The following TM4SF5 variants were observed in gnomAD, a reference collection of about 807,000 sequenced individuals.
The protein encoded by TM4SF5 is transmembrane 4 L6 family member 5.
In TM4SF5, 16 loss-of-function variants were observed where a neutral mutation model predicts 22.3. The observed-to-expected ratio is 0.72, with a 90% confidence interval of 0.49 to 1.09. The LOEUF is 1.09. TM4SF5 is among the 50% of genes least tolerant of loss of function. The pLI, the probability that TM4SF5 is intolerant of heterozygous loss-of-function variation, is 0.00. For missense variants in TM4SF5, 249 were observed against 266.1 expected (o/e 0.94, Z 0.45); for synonymous variants, 113 against 109.6 (o/e 1.03, Z -0.19).
In TM4SF5 at chr17:4,771,898, C is replaced by T. The variant is rs557348831; in HGVS notation, c.-25C>T. The T allele has an allele frequency of 4.6e-5, 74 of 1,613,652 alleles. No individual in the cohort carries two copies. In the East Asian group the frequency reaches 1.3e-3, roughly 29 times the overall value. On this transcript the variant is annotated 5_prime_UTR_variant, in exon 1 of 5. Transcript: ENST00000270560. ...GAACCACTGGCTTACTTTCACTCAC[C>T]GCCTGTCCTTCCTGACACCTCACCA...
Position 4,783,178 on chromosome 17 carries a change from C to G in TM4SF5, c.*50C>G, listed in dbSNP as rs1338156256. On this transcript the variant is annotated 3_prime_UTR_variant, in exon 5 of 5. Coordinates refer to ENST00000270560, the MANE Select transcript of TM4SF5 (RefSeq NM_003963.3). ...CCTGCTCCTTCCTGGACGCTCACTC[C>G]CTTGCTCGCTAGAATAAACTGCTTT... 1 of 764,276 alleles carries G rather than the reference C, an allele frequency of 1.3e-6. No homozygotes were observed. Among genetic ancestry groups the G allele is most frequent in the South Asian group, 3.0e-5 (1 of 33,450 alleles). The allele number at this position is 764,276 out of a possible 1,614,324, so 47.3% of individuals were successfully genotyped here.
At chr17:4,779,214 G>A (rs1917256135) in intron 1 of TM4SF5, among the ~76,000 whole-genome samples, 1 of 152,136 alleles carries the variant, frequency 6.6e-6, no homozygotes, top group African/African-American at 2.4e-5. Flanking sequence ...AGGGCAGGAG[G>A]AGCCCAGGAG....
chr17:4,773,767 G>A (rs1182333979), intron 1 of TM4SF5, among the ~76,000 whole-genome samples: 2 of 152,180 alleles, frequency 1.3e-5, no homozygotes. Context: ...CCATTGTCAC[G>A]GGGTGCTCCC....
intron 2 of TM4SF5, 132 bp from the exon 3 acceptor site, chr17:4,782,371 G>T (rs117721745): frequency 8.9e-7 from 1 of 1,118,240 alleles, no homozygotes; most frequent in Non-Finnish European, 1.3e-6. Context: ...GAGCCACCGC[G>T]CCCGGCATTA....
chr17:4,773,748 C>T (rs1157198947), intron 1 of TM4SF5, among the ~76,000 whole-genome samples: 2 of 152,182 alleles, frequency 1.3e-5, no homozygotes, highest in Admixed American at 6.6e-5. Flanking sequence ...CTCAGGCTGA[C>T]ACACTTAGCC....
chr17:4,773,617 C>A (rs751498364), intron 1 of TM4SF5, among the ~76,000 whole-genome samples: 6 of 152,170 alleles, frequency 3.9e-5, no homozygotes, highest in Non-Finnish European at 5.9e-5. Flanking sequence ...TCTCCTTTAA[C>A]CAACAATCCC....
chr17:4,782,534 G>A lies in TM4SF5; in HGVS notation c.290G>A (p.Gly97Glu), dbSNP rs1264720615. The A allele has an allele frequency of 1.2e-6, 2 of 1,613,946 alleles. No homozygotes were observed. Among genetic ancestry groups the A allele is most frequent in the African/African-American group, 1.3e-5 (1 of 74,886 alleles). Reference protein sequence around the residue: ...MLRSVFSSAFGVLGAIYCLSV... With the variant: ...MLRSVFSSAFEVLGAIYCLSV... ...CGCTCGGTCTTCTCCTCGGCGTTCGGGGTGCTTGGTGCCATCTACTGCCTC... is the reference window on the plus strand; with the variant it reads ...CGCTCGGTCTTCTCCTCGGCGTTCGAGGTGCTTGGTGCCATCTACTGCCTC... The change falls in exon 3 of 5, where the codon GGG becomes GAG. Residue 97 changes from glycine to glutamate, a missense_variant. Transcript: ENST00000270560.
chr17:4,780,916 A>C, intron 2 of TM4SF5, 47 bp downstream of exon 2: 1,734 of 1,519,718 alleles, frequency 1.1e-3, no homozygotes, highest in Non-Finnish European at 1.5e-3. Flanking sequence ...GTGGTGTCTC[A>C]TGCCTGTAAT....
At chr17:4,780,311 T>C (rs1184399869) in intron 1 of TM4SF5, among the ~76,000 whole-genome samples, 2 of 151,996 alleles carry the variant, frequency 1.3e-5, no homozygotes, top group African/African-American at 2.4e-5. Context: ...AGCCTCAGCC[T>C]CTCAACATGC....
intron 1 of TM4SF5, among the ~76,000 whole-genome samples, chr17:4,777,252 GGAGAGAT>G (rs1436478708): frequency 6.6e-6 from 1 of 151,850 alleles, no homozygotes; most frequent in Non-Finnish European, 1.5e-5. Context: ...AAGACATCCA[GGAGAGAT>G]GAGAGTGGCT....
chr17:4,779,466 T>C (rs1407584604), intron 1 of TM4SF5, among the ~76,000 whole-genome samples: 2 of 151,792 alleles, frequency 1.3e-5, no homozygotes, highest in African/African-American at 4.8e-5. Flanking sequence ...ATGTTTAACC[T>C]GATAGAGGAT....
chr17:4,782,196 A>G (rs1263809022), intron 2 of TM4SF5, among the ~76,000 whole-genome samples: 1 of 150,410 alleles, frequency 6.6e-6, no homozygotes, highest in African/African-American at 2.5e-5. Context: ...TCCCATGTTC[A>G]AGCTATTCTC....
At chr17:4,772,324 A>T (rs1204865297) in intron 1 of TM4SF5, among the ~76,000 whole-genome samples, 1 of 152,070 alleles carries the variant, frequency 6.6e-6, no homozygotes, top group Non-Finnish European at 1.5e-5. Context: ...TGCTCTAAAG[A>T]GCTCCCCTAC....
At chr17:4,776,020 T>TA (rs1917197997) in intron 1 of TM4SF5, among the ~76,000 whole-genome samples, 1 of 151,692 alleles carries the variant, frequency 6.6e-6, no homozygotes, top group African/African-American at 2.4e-5. Flanking sequence ...AATTTTTGTA[T>TA]TTACTTTAGT....
intron 1 of TM4SF5, among the ~76,000 whole-genome samples, chr17:4,775,609 T>C (rs1287239044): frequency 8.6e-5 from 13 of 151,898 alleles, no homozygotes; most frequent in Non-Finnish European, 2.9e-5. Context: ...GTTTAAAACT[T>C]TTTATTTAAG....
intron 2 of TM4SF5, among the ~76,000 whole-genome samples, chr17:4,782,281 G>A (rs535090468): frequency 6.6e-6 from 1 of 152,018 alleles, no homozygotes; most frequent in Non-Finnish European, 1.5e-5. Flanking sequence ...GTTTCTCCAT[G>A]TTGGCCAGGC....
chr17:4,782,802 G>C (rs1342336816), intron 3 of TM4SF5, 52 bp from the exon 4 acceptor site: 1 of 1,583,152 alleles, frequency 6.3e-7, no homozygotes, highest in Non-Finnish European at 8.6e-7. Flanking sequence ...TTGGGGGCGG[G>C]GTGGCGCACG....
intron 1 of TM4SF5, among the ~76,000 whole-genome samples, chr17:4,777,841 G>C (rs752868028): frequency 1.4e-4 from 21 of 151,696 alleles, no homozygotes. Flanking sequence ...CCAAGATCGC[G>C]CCATTGCACT....
At chr17:4,772,720 T>G (rs1428220729) in intron 1 of TM4SF5, among the ~76,000 whole-genome samples, 1 of 132,200 alleles carries the variant, frequency 7.6e-6, no homozygotes, top group African/African-American at 4.0e-5. Context: ...TGTTTTTTGT[T>G]TTTTTTTTTT....
Sources: allele counts gnomAD v4.1 joint callset (sites outside exome capture counted in the v4.1 genomes callset), GRCh38; gene constraint gnomAD v4.1.1; transcripts MANE v1.5; gene names NCBI Gene and HGNC (gene_info 2026-07-23, HGNC 2026-07-21).